The following ALAS2 variants were observed in gnomAD, a reference collection of about 807,000 sequenced individuals.
The protein encoded by ALAS2 is 5-aminolevulinate synthase, erythroid-specific, mitochondrial.
Under a neutral mutation model 33.7 loss-of-function variants are expected in ALAS2, and 3 were observed. The observed-to-expected ratio is 0.09, with a 90% confidence interval of 0.04 to 0.23. ALAS2 has a LOEUF of 0.23. Among genes scored for constraint, ALAS2 ranks in the 10% least tolerant of loss-of-function variants. ALAS2 has a pLI of 1.00. For missense variants in ALAS2, 304 were observed against 475.1 expected, an observed-to-expected ratio of 0.64 and a Z score of 3.35; for synonymous variants, 191 against 177.3, an observed-to-expected ratio of 1.08 and a Z score of -0.61.
rs929808981 is a variant in ALAS2 at position 55,029,949 on chromosome X, C to T, written c.-16+993G>A. Among the ~76,000 whole-genome samples the T allele has an allele frequency of 3.5e-5, 3 of 84,536 alleles. No individual in the cohort carries two copies. In the East Asian group the frequency reaches 1.5e-3, roughly 42 times the overall value. 73.4% of individuals were successfully genotyped at this position (84,536 alleles called of 115,157 possible). ...AACACTCATTGCAGCATTCCTTGTC[C>T]CCCACCCCCCCACCCCTTTTGTGGC... On this transcript the variant is annotated intron_variant, in intron 1 of 10. Coordinates refer to ENST00000650242, the MANE Select transcript of ALAS2 (RefSeq NM_000032.5).
Position 55,025,882 on chromosome X carries a change from A to G in ALAS2, c.119T>C (p.Ile40Thr). ...ACAGTTTGGTCCTTGGGTAGCCAGGATGGGACAGCGTCCAATACCAAACAG... is the reference window on the plus strand; with the variant it reads ...ACAGTTTGGTCCTTGGGTAGCCAGGGTGGGACAGCGTCCAATACCAAACAG... Reference protein sequence around the residue: ...QFLFGIGRCPILATQGPNCSQ... With the variant: ...QFLFGIGRCPTLATQGPNCSQ... Residue 40 changes from isoleucine (I) to threonine (T), a missense_variant, in exon 2 of 11, where the codon ATC becomes ACC. Physicochemically the swap from Ile to Thr is moderately conservative, Grantham distance 89 (BLOSUM62 -1). This residue lies in a region of ALAS2 where 71 missense variants were observed against 82.8 expected (regional missense o/e 0.86). Transcript: ENST00000650242. The G allele has an allele frequency of 8.3e-7, 1 of 1,211,573 alleles. No homozygotes were observed. Among genetic ancestry groups the G allele is most frequent in the Middle Eastern group, 2.3e-4 (1 of 4,356 alleles).
intron 9 of ALAS2, among the ~76,000 whole-genome samples, chrX:55,013,891 G>A (rs754034857): frequency 3.4e-4 from 38 of 111,132 alleles, no homozygotes; most frequent in African/African-American, 1.2e-3. Context: ...GAAGCTGTTT[G>A]CAGAGCAAGC....
chrX:55,015,535 C>T (rs1333426357), intron 8 of ALAS2, 43 bp downstream of exon 8: 3 of 1,201,708 alleles, frequency 2.5e-6, no homozygotes, highest in South Asian at 1.8e-5. Context: ...GTAAGGGCCT[C>T]CTCTCTGGAG....
At chrX:55,013,910 T>C (rs1367400108) in intron 9 of ALAS2, among the ~76,000 whole-genome samples, 1 of 110,910 alleles carries the variant, frequency 9.0e-6, no homozygotes, top group Non-Finnish European at 1.9e-5. Flanking sequence ...GCACACTGAT[T>C]TTACTTAGCT....
intron 5 of ALAS2, among the ~76,000 whole-genome samples, chrX:55,020,719 G>A (rs1935789925): frequency 3.6e-5 from 4 of 110,878 alleles, no homozygotes; most frequent in Admixed American, 1.9e-4. Flanking sequence ...AGAGGGAGAA[G>A]CTAGGTTGAG....
chrX:55,017,984 C>G (rs1935734049), intron 6 of ALAS2, among the ~76,000 whole-genome samples: 1 of 111,364 alleles, frequency 9.0e-6, no homozygotes, highest in South Asian at 3.8e-4. Context: ...TTCCTTCTCC[C>G]CAATATATAA....
intron 7 of ALAS2, 54 bp from the exon 8 acceptor site, chrX:55,015,796 T>C (rs1935688617): frequency 8.5e-7 from 1 of 1,181,053 alleles, no homozygotes. Context: ...CCCAGCTCCA[T>C]CTCCAATGTG....
At position 55,025,943 on chromosome X, in the gene ALAS2, T is replaced by C; in HGVS notation, c.58A>G (p.Ser20Gly). Residue 20 changes from serine (S) to glycine (G), a missense_variant, in exon 2 of 11, where the codon AGC becomes GGC. Physicochemically the swap from Ser to Gly is moderately conservative, Grantham distance 56. This residue lies in a region of ALAS2 where 71 missense variants were observed against 82.8 expected (regional missense o/e 0.86). Coordinates refer to ENST00000650242, the MANE Select transcript of ALAS2 (RefSeq NM_000032.5). ...CCPVLARGPT[S>G]LLGKVVKTHQ... ...GTCTTAACCACCTTGCCTAGGAGGC[T>C]TGTGGGGCCCCGGGCAAGCACTGGG... 1.7e-6 allele frequency: 2 copies of C among 1,211,579 alleles called. No homozygotes were observed. The highest frequency in any genetic ancestry group is 3.5e-5 in the South Asian group (2 of 56,956).
At chrX:55,029,525 T>C (rs759594601) in intron 1 of ALAS2, among the ~76,000 whole-genome samples, 3 of 111,692 alleles carry the variant, frequency 2.7e-5, no homozygotes, top group Non-Finnish European at 5.6e-5. Flanking sequence ...GTGATTCAAA[T>C]ATTACTACCT....
intron 1 of ALAS2, among the ~76,000 whole-genome samples, chrX:55,028,594 T>G (rs1342437512): frequency 9.0e-6 from 1 of 111,160 alleles, no homozygotes; most frequent in African/African-American, 3.3e-5. Context: ...ATGCTCAGGG[T>G]CCTGGGAAAA....
At chrX:55,021,010 TCTC>T in intron 5 of ALAS2, 39 bp downstream of exon 5, 1 of 1,141,546 alleles carries the variant, frequency 8.8e-7, no homozygotes, top group Non-Finnish European at 1.2e-6. Flanking sequence ...TGGTTTTTCA[TCTC>T]CTCTGGCCAC....
intron 6 of ALAS2, among the ~76,000 whole-genome samples, chrX:55,019,149 G>A (rs1381137073): frequency 9.0e-6 from 1 of 111,075 alleles, no homozygotes; most frequent in Non-Finnish European, 1.9e-5. Flanking sequence ...ATCAGGGGTT[G>A]AGGCAATGTT....
rs751886702 is a variant in ALAS2 at position 55,009,348 on chromosome X, AG to A, written c.1601-6del. The A allele has an allele frequency of 5.9e-6, 7 of 1,195,180 alleles. No individual in the cohort carries two copies. The highest frequency in any genetic ancestry group is 6.8e-6 in the Non-Finnish European group (6 of 887,461). On this transcript the variant is annotated splice_region_variant and splice_polypyrimidine_tract_variant and intron_variant, in intron 10 of 10. Coordinates refer to ENST00000650242, the MANE Select transcript of ALAS2 (RefSeq NM_000032.5). ...TCCAAGCCAGCAGCAGCTTCTCTGA[AG>A]GTGGTAGGGGGAGGGGAGGGAAAAA...
At position 55,017,568 on chromosome X, in the gene ALAS2, A is replaced by G. The variant is rs768278796; in HGVS notation, c.921T>C (p.Pro307=). 2.5e-6 allele frequency: 3 copies of G among 1,211,388 alleles called. No homozygotes were observed. The East Asian group carries it at 8.9e-5, about 36-fold the overall frequency. ...TCTCTAGAAGTTTCTTTAGGTGGTC[A>G]GGGTCATTGTGCCTGAAGACAAACT... The part of the protein sequence containing the change: ...AAKFVFRHND[P]DHLKKLLEKS... The change falls in exon 7 of 11, where the codon CCT becomes CCC. Residue 307 remains proline, a synonymous_variant. Coordinates refer to ENST00000650242, the MANE Select transcript of ALAS2 (RefSeq NM_000032.5).
chrX:55,010,060 T>C (rs1935574692), intron 10 of ALAS2, among the ~76,000 whole-genome samples: 1 of 111,934 alleles, frequency 8.9e-6, no homozygotes, highest in Non-Finnish European at 1.9e-5. Context: ...ACTTTTAGCT[T>C]TTCCCATCTC....
chrX:55,019,319 A>T (rs1225043839), intron 6 of ALAS2, among the ~76,000 whole-genome samples: 1 of 111,389 alleles, frequency 9.0e-6, no homozygotes, highest in Non-Finnish European at 1.9e-5. Context: ...GAAAAAGGAT[A>T]CTTCTTCCAC....
At chrX:55,028,684 T>G (rs1935935514) in intron 1 of ALAS2, among the ~76,000 whole-genome samples, 1 of 111,763 alleles carries the variant, frequency 8.9e-6, no homozygotes, top group Non-Finnish European at 1.9e-5. Flanking sequence ...CTGTTACTCC[T>G]TTCCTGAAAT....
intron 7 of ALAS2, among the ~76,000 whole-genome samples, chrX:55,015,959 C>CTGTG (rs56109492): frequency 0.012 from 928 of 80,095 alleles, 5 homozygotes; most frequent in Non-Finnish European, 0.016. Context: ...CTCTGTCTCT[C>CTGTG]TGTGTGTGTG....
At chrX:55,012,260 T>A (rs1490953755) in intron 10 of ALAS2, among the ~76,000 whole-genome samples, 1 of 111,887 alleles carries the variant, frequency 8.9e-6, no homozygotes, top group Non-Finnish European at 1.9e-5. Flanking sequence ...CATATTCACA[T>A]GTACTTCAAC....
Sources: allele counts gnomAD v4.1 joint callset (sites outside exome capture counted in the v4.1 genomes callset), GRCh38; gene constraint gnomAD v4.1.1; regional missense constraint gnomAD v4.1.1; transcripts MANE v1.5; gene names NCBI Gene and HGNC (gene_info 2026-07-23, HGNC 2026-07-21).